ATP13A5: variants seen among roughly 807,000 people sequenced by gnomAD.
The protein encoded by ATP13A5 is probable cation-transporting ATPase 13A5.
ATP13A5 carries 149 observed loss-of-function variants against 150.2 expected under a neutral mutation model. The observed-to-expected ratio is 0.99, with a 90% CI of 0.87 to 1.14. ATP13A5 has a LOEUF of 1.14. ATP13A5 is among the 50% of genes most tolerant of loss of function. The pLI, the probability that ATP13A5 is intolerant of heterozygous loss-of-function variation, is 0.00. For synonymous variants in ATP13A5, 497 were observed against 522.2 expected (o/e 0.95, Z 0.66); for missense variants, 1,383 against 1,449.3 (o/e 0.95, Z 0.74).
At chr3:193,342,084 A>G (rs1712151168) in intron 9 of ATP13A5, among the ~76,000 whole-genome samples, 1 of 152,176 alleles carries the variant, frequency 6.6e-6, no homozygotes, top group Non-Finnish European at 1.5e-5. Context: ...TCATTTGTAA[A>G]TCGGTATTCT....
At position 193,364,216 on chromosome 3, in the gene ATP13A5, G is replaced by C. The variant is rs781565123; in HGVS notation, c.128C>G (p.Thr43Ser). ...GAACACCAGCAGAAGGCCCCCACAGGTCAGCACGGATGCGACAAGGCAGAA... is the reference window on the plus strand; with the variant it reads ...GAACACCAGCAGAAGGCCCCCACAGCTCAGCACGGATGCGACAAGGCAGAA... ...KAFCLVASVL[T>S]CGGLLLVFYW... is the part of the protein sequence containing the mutation. Residue 43 changes from threonine (T) to serine (S), a missense_variant, in exon 2 of 30, where the codon ACC (threonine) becomes AGC (serine). Physicochemically the swap from Thr to Ser is moderately conservative, Grantham distance 58. Transcript: ENST00000342358. 2 of 1,614,004 alleles carry C rather than the reference G, an allele frequency of 1.2e-6. No homozygotes were observed. The highest frequency in any genetic ancestry group is 1.7e-6 in the Non-Finnish European group (2 of 1,179,988).
chr3:193,290,390 C>T (rs1577327603), intron 25 of ATP13A5, among the ~76,000 whole-genome samples: 1 of 151,934 alleles, frequency 6.6e-6, no homozygotes, highest in Admixed American at 6.6e-5. Flanking sequence ...TGGCCTTGCT[C>T]GTGGGATAAG....
intron 17 of ATP13A5, among the ~76,000 whole-genome samples, chr3:193,317,224 T>G (rs1481577489): frequency 6.6e-6 from 1 of 152,194 alleles, no homozygotes; most frequent in African/African-American, 2.4e-5. Context: ...AAAATGTTGC[T>G]CCTCTGAGGA....
rs368529649 is a variant in ATP13A5, at chr3:193,352,799, A to C, written c.606+1328T>G. 5.3e-5 allele frequency among the ~76,000 whole-genome samples: 8 copies of C among 152,304 alleles called. No homozygotes were observed. The South Asian group carries it at 1.7e-3, about 32-fold the overall frequency. On this transcript the variant is annotated intron_variant, in intron 6 of 29. Transcript: ENST00000342358. ...ACAGAATAATGGTAAATAATTTTTTAATATTAAAAAGATATGTCCATGTTC... is the reference window on the plus strand; with the variant it reads ...ACAGAATAATGGTAAATAATTTTTTCATATTAAAAAGATATGTCCATGTTC...
intron 12 of ATP13A5, among the ~76,000 whole-genome samples, chr3:193,327,455 G>A (rs909934044): frequency 6.6e-6 from 1 of 151,908 alleles, no homozygotes; most frequent in African/African-American, 2.4e-5. Flanking sequence ...GTTCATTTTC[G>A]AGACTGTTCA....
chr3:193,312,601 GA>G (rs970341269), intron 19 of ATP13A5: 31 of 152,180 alleles, frequency 2.0e-4, no homozygotes, highest in African/African-American at 7.5e-4. Context: ...AGCATCTGAT[GA>G]ATGCCTGTGC....
rs1449242798 is a variant in ATP13A5 at position 193,344,058 on chromosome 3, A to G, written c.815-3T>C. On this transcript the variant is annotated splice_region_variant and splice_polypyrimidine_tract_variant and intron_variant, in intron 8 of 29. Transcript: ENST00000342358. ...ACGGGATTCCAGCTCCTCCAAACCTACACCAAAGCAAAGTTTCCATGAATA... is the reference window on the plus strand; with the variant it reads ...ACGGGATTCCAGCTCCTCCAAACCTGCACCAAAGCAAAGTTTCCATGAATA... The G allele has an allele frequency of 6.2e-7, 1 of 1,611,044 alleles. No individual in the cohort carries two copies. Among genetic ancestry groups the G allele is most frequent in the African/African-American group, 1.3e-5 (1 of 74,690 alleles).
intron 11 of ATP13A5, among the ~76,000 whole-genome samples, chr3:193,333,084 A>C (rs1441929932): frequency 6.6e-6 from 1 of 151,692 alleles, no homozygotes; most frequent in Non-Finnish European, 1.5e-5. Context: ...ATTGCCTTGA[A>C]ATTCTTGTTA....
chr3:193,298,228 T>C (rs1718250949), intron 25 of ATP13A5, among the ~76,000 whole-genome samples: 1 of 152,122 alleles, frequency 6.6e-6, no homozygotes, highest in South Asian at 2.1e-4. Context: ...TCATGCAAAT[T>C]GCTTAAAATA....
chr3:193,323,427 G>T (rs1381901600), intron 14 of ATP13A5: 1 of 152,210 alleles, frequency 6.6e-6, no homozygotes, highest in African/African-American at 2.4e-5. Flanking sequence ...TTTATGCTTT[G>T]TTTGGGATGG....
intron 2 of ATP13A5, among the ~76,000 whole-genome samples, chr3:193,363,628 T>C (rs1373532668): frequency 6.6e-6 from 1 of 152,250 alleles, no homozygotes; most frequent in African/African-American, 2.4e-5. Context: ...TGAAATTTGA[T>C]AACCACTGTG....
At chr3:193,357,282 C>T (rs1341683613) in intron 5 of ATP13A5, among the ~76,000 whole-genome samples, 4 of 152,110 alleles carry the variant, frequency 2.6e-5, no homozygotes, top group African/African-American at 7.2e-5. Flanking sequence ...CTCTTTGGCT[C>T]TCCAAGTTTG....
chr3:193,314,239 T>C (rs1472857490), intron 18 of ATP13A5, 46 bp from the exon 19 acceptor site: 1 of 1,591,932 alleles, frequency 6.3e-7, no homozygotes, highest in Non-Finnish European at 8.6e-7. Flanking sequence ...AAACCTCCCC[T>C]CAGCAACAAG....
intron 9 of ATP13A5, among the ~76,000 whole-genome samples, chr3:193,337,285 T>C (rs1388757234): frequency 6.6e-6 from 1 of 152,230 alleles, no homozygotes; most frequent in African/African-American, 2.4e-5. Flanking sequence ...CCATTGCTTT[T>C]GGTGTTTTAG....
chr3:193,368,763 C>T (rs372833854), intron 1 of ATP13A5, among the ~76,000 whole-genome samples: 3 of 152,072 alleles, frequency 2.0e-5, no homozygotes, highest in African/African-American at 7.2e-5. Context: ...CCGCCCCACC[C>T]CACTGGTTTG....
chr3:193,312,018 A>T, intron 19 of ATP13A5, 77 bp from the exon 20 acceptor site: 2 of 1,552,772 alleles, frequency 1.3e-6, no homozygotes, highest in Non-Finnish European at 1.7e-6. Context: ...TTGAAGGAAG[A>T]GTTTTCATGT....
At chr3:193,275,341 A>C in intron 29 of ATP13A5, 39 bp from the exon 30 acceptor site, 1 of 1,601,574 alleles carries the variant, frequency 6.2e-7, no homozygotes, top group Non-Finnish European at 8.5e-7. Context: ...TTTATTGCGC[A>C]GGTCCCCCTG....
chr3:193,279,160 G>A (rs765198901), intron 28 of ATP13A5, among the ~76,000 whole-genome samples: 1 of 152,110 alleles, frequency 6.6e-6, no homozygotes, highest in African/African-American at 2.4e-5. Context: ...CAGGATAAAT[G>A]TACCCAATAA....
At chr3:193,323,912 T>A (rs1051736710) in intron 14 of ATP13A5, 1 of 152,206 alleles carries the variant, frequency 6.6e-6, no homozygotes, top group South Asian at 2.1e-4. Context: ...TGTACTGTAT[T>A]TTATACATCA....
Sources: gnomAD v4.1 joint callset for allele counts (sites outside exome capture counted in the v4.1 genomes callset) on GRCh38, gnomAD v4.1.1 for gene constraint, MANE v1.5 for transcripts, NCBI Gene and HGNC (gene_info 2026-07-23, HGNC 2026-07-21) for gene names.